The following KANSL1L variants were observed in gnomAD, a reference collection of about 807,000 sequenced individuals.
KANSL1L encodes the protein KAT8 regulatory NSL complex subunit 1 like, also known as KAT8 regulatory NSL complex subunit 1-like protein.
A neutral mutation model predicts 108.6 loss-of-function variants in KANSL1L; 25 were observed. That is an observed-to-expected ratio of 0.23 (90% CI 0.17 to 0.32). The LOEUF (loss-of-function observed/expected upper bound fraction) is 0.32, where lower values mean the gene tolerates loss of function less well. KANSL1L is among the 10% of genes least tolerant of loss of function. The pLI is 1.00. For missense variants in KANSL1L, 1,137 were observed against 1,125.7 expected (o/e 1.01, Z -0.14); for synonymous variants, 405 against 395.1 (o/e 1.03, Z -0.30).
chr2:210,068,778 C>T (rs2094485698), intron 6 of KANSL1L, among the ~76,000 whole-genome samples: 1 of 152,106 alleles, frequency 6.6e-6, no homozygotes. Context: ...TTGTGGGATT[C>T]TCACATATGT....
At chr2:210,061,786 C>G (rs772176888) in intron 6 of KANSL1L, among the ~76,000 whole-genome samples, 2 of 152,004 alleles carry the variant, frequency 1.3e-5, no homozygotes, top group Admixed American at 6.6e-5. Context: ...TTAGAAACTA[C>G]GTGAAGTTTT....
chr2:210,039,413 C>G (rs917773824), intron 8 of KANSL1L, among the ~76,000 whole-genome samples: 2 of 151,758 alleles, frequency 1.3e-5, no homozygotes, highest in African/African-American at 4.8e-5. Flanking sequence ...GAATTTATTC[C>G]TTTACATAGG....
At chr2:210,165,479 AT>A (rs1205482161) in intron 1 of KANSL1L, among the ~76,000 whole-genome samples, 7 of 152,124 alleles carry the variant, frequency 4.6e-5, no homozygotes, top group African/African-American at 1.7e-4. Context: ...GTTATATTAA[AT>A]TTGTTATAAA....
Position 210,140,003 on chromosome 2 carries a change from T to A in KANSL1L, c.1089-10831A>T, listed in dbSNP as rs147723259. ...AGCGATCCACCGGGCTACACCTCCT[T>A]GGCCACTTTGCCCATTTTTTAATCA... On this transcript the variant is annotated intron_variant, in intron 2 of 14. Coordinates refer to ENST00000281772, the MANE Select transcript of KANSL1L (RefSeq NM_152519.4). Among the ~76,000 whole-genome samples, 187 of 152,194 alleles carry A rather than the reference T, an allele frequency of 1.2e-3. 1 individual carries two copies. Among genetic ancestry groups the A allele is most frequent in the African/African-American group, 4.2e-3 (176 of 41,542 alleles).
intron 2 of KANSL1L, among the ~76,000 whole-genome samples, chr2:210,147,640 A>G (rs968341229): frequency 2.6e-5 from 4 of 152,254 alleles, no homozygotes; most frequent in Admixed American, 1.3e-4. Context: ...CCTTATAAAC[A>G]AAACAAAATT....
chr2:210,057,886 C>A (rs2094371096), intron 6 of KANSL1L, among the ~76,000 whole-genome samples: 1 of 152,170 alleles, frequency 6.6e-6, no homozygotes, highest in Non-Finnish European at 1.5e-5. Context: ...TCTTCGTAAG[C>A]TGAGGAGGAT....
chr2:210,171,299 GC>G lies in KANSL1L; in HGVS notation c.-181del, dbSNP rs1559625112. 4 of 120 alleles carry G rather than the reference GC, an allele frequency of 0.033. No individual in the cohort carries two copies. The highest frequency in any genetic ancestry group is 0.043 in the Non-Finnish European group (3 of 70). The allele number at this position is 120 out of a possible 1,614,324, so 0.0% of individuals were successfully genotyped here. On this transcript the variant is annotated 5_prime_UTR_variant, in exon 1 of 15. Coordinates refer to ENST00000281772, the MANE Select transcript of KANSL1L (RefSeq NM_152519.4). ...AGCGCGCCCCGCTCCCGCCCCGGCC[GC>G]CGCCGCCGCCGCCGCCGCCGCCGCC...
At chr2:210,113,354 T>TA (rs2094926621) in intron 3 of KANSL1L, among the ~76,000 whole-genome samples, 1 of 149,198 alleles carries the variant, frequency 6.7e-6, no homozygotes, top group Non-Finnish European at 1.5e-5. Context: ...TCAGAAAAAA[T>TA]AAGATTTTAA....
Position 210,021,767 on chromosome 2 carries a change from T to C in KANSL1L, c.*1182A>G, listed in dbSNP as rs562574607. 4.6e-5 allele frequency: 7 copies of C among 152,112 alleles called. No homozygotes were observed. Among genetic ancestry groups the C allele is most frequent in the African/African-American group, 1.4e-4 (6 of 41,502 alleles). The allele number at this position is 152,112 out of a possible 1,614,324, so 9.4% of individuals were successfully genotyped here. A position where few individuals can be genotyped will look rare whatever the true frequency, so the allele number is the denominator to read the frequency against. ...GAGTTATATAAATTGTCCTCAACTT[T>C]CACATAGGAAAAAAATGGTTTAATA... On this transcript the variant is annotated 3_prime_UTR_variant, in exon 15 of 15. Coordinates refer to ENST00000281772, the MANE Select transcript of KANSL1L (RefSeq NM_152519.4).
chr2:210,076,830 C>T (rs778900047), intron 5 of KANSL1L, among the ~76,000 whole-genome samples: 1 of 151,714 alleles, frequency 6.6e-6, no homozygotes, highest in Admixed American at 6.6e-5. Context: ...TACAAGGTAC[C>T]AATTTTAACC....
intron 2 of KANSL1L, among the ~76,000 whole-genome samples, chr2:210,139,102 A>G (rs2095203290): frequency 6.6e-6 from 1 of 151,778 alleles, no homozygotes. Context: ...CCATCTCAAA[A>G]CAAAACAAAA....
rs1469316919 is a variant in KANSL1L at position 210,050,970 on chromosome 2, C to G, written c.1756-6866G>C. Among the ~76,000 whole-genome samples the G allele has an allele frequency of 2.0e-5, 3 of 152,250 alleles. No homozygotes were observed. The East Asian group carries it at 5.8e-4, about 30-fold the overall frequency. ...ATGTTTCCCAGGCTGGTCTCAAACT[C>G]CTGCGACCAGCCCAAAGTGCTGGGA... On this transcript the variant is annotated intron_variant, in intron 6 of 14. Transcript: ENST00000281772.
Position 210,044,159 on chromosome 2 carries a change from A to T in KANSL1L, c.1756-55T>A. ...CAGCCAAAGCATCCATAAATGGCAT[A>T]TCTCTACATTTATTTAGGTTATCTT... On this transcript the variant is annotated intron_variant, in intron 6 of 14. Transcript: ENST00000281772. The surrounding 1 kb of genome is among the most constrained non-coding windows in gnomAD (Gnocchi z 4.2). The T allele has an allele frequency of 1.7e-6, 2 of 1,188,864 alleles. No homozygotes were observed. The highest frequency in any genetic ancestry group is 2.3e-6 in the Non-Finnish European group (2 of 879,114). The allele number at this position is 1,188,864 out of a possible 1,614,324, so 73.6% of individuals were successfully genotyped here.
At chr2:210,067,992 C>G (rs1282577668) in intron 6 of KANSL1L, among the ~76,000 whole-genome samples, 11 of 152,198 alleles carry the variant, frequency 7.2e-5, no homozygotes, top group African/African-American at 2.4e-4. Flanking sequence ...ATTTTCCTGC[C>G]TCAGCCTCCC....
At chr2:210,117,674 C>T (rs2094967393) in intron 3 of KANSL1L, among the ~76,000 whole-genome samples, 1 of 151,412 alleles carries the variant, frequency 6.6e-6, no homozygotes, top group South Asian at 2.1e-4. Context: ...GAACTTTTCA[C>T]TAGACTAAGA....
intron 2 of KANSL1L, among the ~76,000 whole-genome samples, chr2:210,130,010 CAG>C (rs748694639): frequency 3.5e-5 from 5 of 144,398 alleles, no homozygotes; most frequent in Admixed American, 6.9e-5. Context: ...AAAAAACTGA[CAG>C]AAACTGAAGA....
chr2:210,125,216 G>A (rs183336504), intron 3 of KANSL1L, among the ~76,000 whole-genome samples: 244 of 151,992 alleles, frequency 1.6e-3, no homozygotes, highest in Middle Eastern at 3.4e-3. Context: ...ATTGCGCCAC[G>A]GCACTCCAGC....
intron 5 of KANSL1L, among the ~76,000 whole-genome samples, chr2:210,079,646 A>ATATATATATGTGTGTG (rs1559539677): frequency 7.6e-5 from 1 of 13,126 alleles, no homozygotes; most frequent in Non-Finnish European, 1.3e-4. Context: ...ATATATATAT[A>ATATATATATGTGTGTG]TATATATATA....
chr2:210,039,465 T>A (rs1308088709), intron 8 of KANSL1L, among the ~76,000 whole-genome samples: 1 of 151,948 alleles, frequency 6.6e-6, no homozygotes, highest in Non-Finnish European at 1.5e-5. Flanking sequence ...TGCTGATTTT[T>A]ATAAATTTAT....
Sources: allele counts gnomAD v4.1 joint callset (sites outside exome capture counted in the v4.1 genomes callset), GRCh38; gene constraint gnomAD v4.1.1; non-coding constraint Gnocchi (gnomAD v3.1); transcripts MANE v1.5; gene names NCBI Gene and HGNC (gene_info 2026-07-23, HGNC 2026-07-21).